The following RCC2 variants were observed in gnomAD, a reference collection of about 807,000 sequenced individuals.
RCC2 encodes the protein regulator of chromosome condensation 2.
A neutral mutation model predicts 64.1 loss-of-function variants in RCC2; 19 were observed. The ratio of observed to expected loss-of-function variants is 0.30; its 90% CI spans 0.21 to 0.44. RCC2 has a LOEUF of 0.44. RCC2 is among the 20% of genes least tolerant of loss of function. The pLI is 1.00. For synonymous variants in RCC2, 325 were observed against 279.6 expected (o/e 1.16, Z -1.62); for missense variants, 508 against 710.4 (o/e 0.72, Z 3.24).
rs2075379894 is a variant in RCC2, at chr1:17,407,925, T to G, written c.*1165A>C. The G allele has an allele frequency of 6.6e-6, 1 of 152,554 alleles. No individual in the cohort carries two copies. 9.5% of individuals were successfully genotyped at this position (152,554 alleles called of 1,614,324 possible). A position where few individuals can be genotyped will look rare whatever the true frequency, so the allele number is the denominator to read the frequency against. On this transcript the variant is annotated 3_prime_UTR_variant, in exon 13 of 13. Transcript: ENST00000375436. ...AGAGGAGGGTTCCGGGAAAGGCACC[T>G]CATAACTCACTCAGCGCAGCACACA...
intron 6 of RCC2, 21 bp from the exon 7 acceptor site, chr1:17,420,849 A>T: frequency 1.3e-6 from 2 of 1,522,026 alleles, no homozygotes; most frequent in Non-Finnish European, 1.8e-6. Flanking sequence ...AAGAAAGGAG[A>T]CTTTCATTTT....
chr1:17,412,817 T>G (rs942458), intron 10 of RCC2, among the ~76,000 whole-genome samples: 96,655 of 152,172 alleles, frequency 0.64, 30,786 homozygotes, highest in South Asian at 0.69. Context: ...CTCTGCTTGT[T>G]TATTTCTTTG....
At chr1:17,436,310 C>A (rs1294017170) in intron 2 of RCC2, among the ~76,000 whole-genome samples, 1 of 152,180 alleles carries the variant, frequency 6.6e-6, no homozygotes, top group African/African-American at 2.4e-5. Flanking sequence ...TTGAGACCAG[C>A]CTGGCCAACA....
intron 1 of RCC2, among the ~76,000 whole-genome samples, 163 bp downstream of exon 1, chr1:17,439,382 C>G (rs2075781748): frequency 1.3e-5 from 2 of 149,238 alleles, no homozygotes; most frequent in South Asian, 4.2e-4. Context: ...TGTCTGTCTC[C>G]GATTAAACCA....
rs377397528 is a variant in RCC2, at chr1:17,419,264, CAGG to C, written c.859+1447_859+1449del. Among the ~76,000 whole-genome samples, 413 of 152,292 alleles carry C rather than the reference CAGG, an allele frequency of 2.7e-3. 2 individuals are homozygous for C. The highest frequency in any genetic ancestry group is 8.1e-3 in the South Asian group (39 of 4,828). On this transcript the variant is annotated intron_variant, in intron 7 of 12. Transcript: ENST00000375436. ...GTCCCAACTACTTGGGAGACCGAGG[CAGG>C]AGAATTGCTTGAACCAAGGAGGTGG... is the stretch of plus-strand genomic sequence containing the variant.
chr1:17,434,446 AAC>A, intron 2 of RCC2, among the ~76,000 whole-genome samples: 1 of 152,344 alleles, frequency 6.6e-6, no homozygotes, highest in East Asian at 1.9e-4. Context: ...AGGGCACGGA[AAC>A]ACAGTGCCCC....
intron 3 of RCC2, among the ~76,000 whole-genome samples, chr1:17,427,995 T>C (rs2075636001): frequency 6.6e-6 from 1 of 152,102 alleles, no homozygotes; most frequent in Non-Finnish European, 1.5e-5. Context: ...AACCAAGACA[T>C]CCAGGCTGCT....
rs529901871 is a variant in RCC2 at position 17,423,969 on chromosome 1, G to A, written c.524-1133C>T. On this transcript the variant is annotated intron_variant, in intron 4 of 12. Transcript: ENST00000375436. The stretch of plus-strand genomic sequence containing the variant: ...TGACTCGCTCTAATTAAAGAACGGC[G>A]GGCTGAAGGGCCAGCACTGGCACTC... Among the ~76,000 whole-genome samples the A allele has an allele frequency of 3.2e-4, 49 of 152,270 alleles. 1 individual carries two copies. Among genetic ancestry groups the A allele is most frequent in the African/African-American group, 7.9e-4 (33 of 41,566 alleles).
At chr1:17,418,444 G>A (rs1260415960) in intron 7 of RCC2, among the ~76,000 whole-genome samples, 3 of 152,108 alleles carry the variant, frequency 2.0e-5, no homozygotes, top group African/African-American at 4.8e-5. Flanking sequence ...GGATCACGAG[G>A]TCAAGAGATT....
In RCC2 at chr1:17,408,456, C is replaced by T. The variant is rs1394503259; in HGVS notation, c.*634G>A. ...TAAACACAGATCCCCAATCCCCCAC[C>T]AGGGGGGACACGGCCGATTCTATAA... On this transcript the variant is annotated 3_prime_UTR_variant, in exon 13 of 13. Coordinates refer to ENST00000375436, the MANE Select transcript of RCC2 (RefSeq NM_018715.4). The T allele has an allele frequency of 6.6e-6, 1 of 152,516 alleles. No individual in the cohort carries two copies. The highest frequency in any genetic ancestry group is 2.1e-4 in the South Asian group (1 of 4,850). 9.4% of individuals were successfully genotyped at this position (152,516 alleles called of 1,614,324 possible). A position where few individuals can be genotyped will look rare whatever the true frequency, so the allele number is the denominator to read the frequency against.
At chr1:17,418,890 C>T (rs2075520457) in intron 7 of RCC2, among the ~76,000 whole-genome samples, 1 of 152,206 alleles carries the variant, frequency 6.6e-6, no homozygotes, top group South Asian at 2.1e-4. Flanking sequence ...ACTGAACAGA[C>T]ACAACTCCCA....
At chr1:17,435,207 G>C (rs1270657032) in intron 2 of RCC2, among the ~76,000 whole-genome samples, 3 of 152,196 alleles carry the variant, frequency 2.0e-5, no homozygotes, top group Non-Finnish European at 4.4e-5. Flanking sequence ...CAATGACAAC[G>C]CTCATCTGCC....
In RCC2 at chr1:17,407,958, G is replaced by A. The variant is rs1176316896; in HGVS notation, c.*1132C>T. ...CACTCAGCGCAGCACACACGGCGGC[G>A]AGCTCGGGCACTTGACGAGGACGCA... On this transcript the variant is annotated 3_prime_UTR_variant, in exon 13 of 13. Coordinates refer to ENST00000375436, the MANE Select transcript of RCC2 (RefSeq NM_018715.4). 7 of 152,528 alleles carry A rather than the reference G, an allele frequency of 4.6e-5. No homozygotes were observed. Among genetic ancestry groups the A allele is most frequent in the South Asian group, 2.1e-4 (1 of 4,836 alleles). 9.4% of individuals were successfully genotyped at this position (152,528 alleles called of 1,614,324 possible). A position where few individuals can be genotyped will look rare whatever the true frequency, so the allele number is the denominator to read the frequency against.
At chr1:17,426,339 C>T (rs1018143151) in intron 3 of RCC2, among the ~76,000 whole-genome samples, 2 of 152,156 alleles carry the variant, frequency 1.3e-5, no homozygotes, top group Non-Finnish European at 2.9e-5. Context: ...TCCCTTCTCA[C>T]CCGTCCAGTG....
rs1356433737 is a variant in RCC2, at chr1:17,438,501, T to C, written c.14A>G (p.Lys5Arg). 1 of 1,345,936 alleles carries C rather than the reference T, an allele frequency of 7.4e-7. No individual in the cohort carries two copies. Among genetic ancestry groups the C allele is most frequent in the South Asian group, 2.1e-5 (1 of 46,820 alleles). 83.4% of individuals were successfully genotyped at this position (1,345,936 alleles called of 1,614,324 possible). The change falls in exon 2 of 13, where the codon AAG becomes AGG. Residue 5 changes from lysine to arginine, a missense_variant. Transcript: ENST00000375436. MPRK[K>R]AAAAAWEEPS... ...CTCCTCCCAGGCCGCCGCCGCCGCC[T>C]TCTTCCTGGGCATGGTCGCGGCTGG...
chr1:17,423,725 T>C (rs1302092555), intron 4 of RCC2, among the ~76,000 whole-genome samples: 4 of 152,236 alleles, frequency 2.6e-5, no homozygotes, highest in African/African-American at 9.6e-5. Context: ...ACCACACATG[T>C]AACCTGACGT....
intron 2 of RCC2, among the ~76,000 whole-genome samples, chr1:17,431,915 A>G (rs1488528401): frequency 6.6e-6 from 1 of 152,162 alleles, no homozygotes; most frequent in Non-Finnish European, 1.5e-5. Context: ...CCTGGCCAAC[A>G]TGGTGAAACC....
intron 12 of RCC2, 95 bp downstream of exon 12, chr1:17,409,879 A>T (rs2075405996): frequency 9.1e-7 from 1 of 1,093,786 alleles, no homozygotes; most frequent in Non-Finnish European, 1.4e-6. Flanking sequence ...GGTAAACAAG[A>T]CAACCCAAAC....
chr1:17,437,202 G>A (rs1408302115), intron 2 of RCC2, among the ~76,000 whole-genome samples: 1 of 152,204 alleles, frequency 6.6e-6, no homozygotes, highest in East Asian at 1.9e-4. Context: ...CTTCTCTGGA[G>A]GAAAGCACTC....
Sources: allele counts gnomAD v4.1 joint callset (sites outside exome capture counted in the v4.1 genomes callset), GRCh38; gene constraint gnomAD v4.1.1; transcripts MANE v1.5; gene names NCBI Gene and HGNC (gene_info 2026-07-23, HGNC 2026-07-21).